PDE3A: variants seen among roughly 807,000 people sequenced by gnomAD.
PDE3A encodes phosphodiesterase 3A, also known as cGMP-inhibited 3',5'-cyclic phosphodiesterase 3A.
In PDE3A, 43 loss-of-function variants were observed where a neutral mutation model predicts 98.3. The observed-to-expected ratio is 0.44, with a 90% confidence interval of 0.34 to 0.56. The LOEUF (loss-of-function observed/expected upper bound fraction) is 0.56. Ranked by LOEUF, PDE3A falls within the 20% of genes least tolerant of loss-of-function variation. The pLI, the probability that PDE3A is intolerant of heterozygous loss-of-function variation, is 0.01. For missense variants in PDE3A, 1,427 were observed against 1,440.7 expected (o/e 0.99, Z 0.15); for synonymous variants, 663 against 567.9 (o/e 1.17, Z -2.38).
In PDE3A at chr12:20,500,519, A is replaced by AAAAT. The variant is rs1362177871; in HGVS notation, c.961-56141_961-56140insAAAT. The stretch of plus-strand genomic sequence containing the variant: ...AGTTCTCTAATCATTTTTTATTTAG[A>AAAAT]CTTCAAATATTTTCTTCCATGTGAT... On this transcript the variant is annotated intron_variant, in intron 1 of 15. Coordinates refer to ENST00000359062, the MANE Select transcript of PDE3A (RefSeq NM_000921.5). Among the ~76,000 whole-genome samples, 128 of 152,208 alleles carry AAAAT rather than the reference A, an allele frequency of 8.4e-4. 1 individual carries two copies. The highest frequency in any genetic ancestry group is 2.9e-3 in the African/African-American group (122 of 41,560).
At position 20,621,311 on chromosome 12, in the gene PDE3A, T is replaced by A. The variant is rs1264260199; in HGVS notation, c.1440T>A (p.Asn480Lys). ...EAPSSSPDSW[N>K]NPVMMTLTKS... ...GTGCTTTTAGTCCTGATTCTTGGAA[T>A]AATCCAGTGATGATGACCCTCACCA... The change falls in exon 5 of 16, where the codon AAT becomes AAA. Residue 480 changes from asparagine (N) to lysine (K), a missense_variant. Transcript: ENST00000359062. 1.3e-6 allele frequency: 2 copies of A among 1,582,576 alleles called. No homozygotes were observed. The highest frequency in any genetic ancestry group is 8.7e-7 in the Non-Finnish European group (1 of 1,151,694).
intron 1 of PDE3A, among the ~76,000 whole-genome samples, chr12:20,462,653 A>T (rs967525944): frequency 6.6e-6 from 1 of 152,176 alleles, no homozygotes; most frequent in African/African-American, 2.4e-5. Context: ...TTGGATTTTA[A>T]AAAATGTTAT....
At chr12:20,516,322 T>G (rs973160457) in intron 1 of PDE3A, among the ~76,000 whole-genome samples, 4 of 152,210 alleles carry the variant, frequency 2.6e-5, no homozygotes, top group Non-Finnish European at 5.9e-5. Context: ...TGAATTTCAT[T>G]TATTTCTTGT....
chr12:20,528,135 C>G (rs1381193864), intron 1 of PDE3A, among the ~76,000 whole-genome samples: 2 of 152,028 alleles, frequency 1.3e-5, no homozygotes, highest in Non-Finnish European at 2.9e-5. Flanking sequence ...GGTGGTTGTC[C>G]TTTTTATCGT....
chr12:20,394,442 T>A (rs968798842), intron 1 of PDE3A, among the ~76,000 whole-genome samples: 23 of 152,016 alleles, frequency 1.5e-4, no homozygotes, highest in African/African-American at 5.3e-4. Flanking sequence ...ATAAGAAACC[T>A]CTTTGTGGCA....
chr12:20,498,690 A>T (rs1283243108), intron 1 of PDE3A, among the ~76,000 whole-genome samples: 1 of 152,010 alleles, frequency 6.6e-6, no homozygotes, highest in African/African-American at 2.4e-5. Flanking sequence ...ATTTCAACAT[A>T]AGTTTTTTTA....
At chr12:20,523,281 G>T (rs1432727562) in intron 1 of PDE3A, among the ~76,000 whole-genome samples, 1 of 152,238 alleles carries the variant, frequency 6.6e-6, no homozygotes, top group African/African-American at 2.4e-5. Context: ...TTGCCATACA[G>T]GTAAGTGTTC....
chr12:20,606,942 T>C (rs899238340), intron 2 of PDE3A, among the ~76,000 whole-genome samples: 9 of 151,614 alleles, frequency 5.9e-5, no homozygotes, highest in African/African-American at 2.2e-4. Flanking sequence ...TTATACTTGT[T>C]GTATTTTAAA....
At chr12:20,390,404 G>A (rs1208415163) in intron 1 of PDE3A, among the ~76,000 whole-genome samples, 1 of 149,054 alleles carries the variant, frequency 6.7e-6, no homozygotes, top group Non-Finnish European at 1.5e-5. Context: ...GTCCTGGGTA[G>A]AGACATTGAA....
At chr12:20,376,501 T>C (rs898529795) in intron 1 of PDE3A, among the ~76,000 whole-genome samples, 6 of 151,972 alleles carry the variant, frequency 3.9e-5, no homozygotes, top group African/African-American at 9.7e-5. Context: ...TAATACCAGG[T>C]AGCCTCTGGA....
rs374624348 is a variant in PDE3A at position 20,369,849 on chromosome 12, C to G, written c.565C>G (p.Pro189Ala). The G allele has an allele frequency of 6.2e-7, 1 of 1,612,110 alleles. No individual in the cohort carries two copies. Among genetic ancestry groups the G allele is most frequent in the Non-Finnish European group, 8.5e-7 (1 of 1,179,402 alleles). Reference protein sequence around the residue: ...GVGEDHLLSLPAAGVVLSCLA... With the variant: ...GVGEDHLLSLAAAGVVLSCLA... ...CGGGGAGGATCACTTACTCTCACTC[C>G]CCGCCGCGGGGGTGGTGCTCAGCTG... Residue 189 changes from proline (P) to alanine (A), a missense_variant, in exon 1 of 16, where the codon CCC (proline) becomes GCC (alanine). Physicochemically the swap from Pro to Ala is conservative, Grantham distance 27. Around this residue, in one of 3 missense-constraint regions of PDE3A, gnomAD observed 1,012 missense variants for 886.5 expected, o/e 1.14. Transcript: ENST00000359062.
intron 2 of PDE3A, among the ~76,000 whole-genome samples, chr12:20,579,299 T>C (rs900780790): frequency 9.9e-5 from 15 of 152,200 alleles, no homozygotes; most frequent in Admixed American, 5.9e-4. Flanking sequence ...TGAGGCTGAG[T>C]TGAAATATGC....
chr12:20,538,319 T>G (rs911172418), intron 1 of PDE3A, among the ~76,000 whole-genome samples: 2 of 152,112 alleles, frequency 1.3e-5, no homozygotes, highest in African/African-American at 2.4e-5. Flanking sequence ...TGATCATTGC[T>G]TCATCTCTAG....
intron 15 of PDE3A, among the ~76,000 whole-genome samples, chr12:20,667,698 G>C (rs1215001337): frequency 6.6e-6 from 1 of 152,162 alleles, no homozygotes; most frequent in Non-Finnish European, 1.5e-5. Context: ...AAGTCAGGTA[G>C]TGTGGTGCCT....
chr12:20,551,994 C>T (rs187584580), intron 1 of PDE3A: 14 of 1,612,476 alleles, frequency 8.7e-6, no homozygotes, highest in African/African-American at 1.3e-5. Context: ...GGAGCAACGA[C>T]GGAGCGTACT....
chr12:20,674,793 CT>C (rs996777458), intron 15 of PDE3A, among the ~76,000 whole-genome samples: 2 of 151,832 alleles, frequency 1.3e-5, no homozygotes, highest in East Asian at 1.9e-4. Flanking sequence ...GTTATAATGT[CT>C]CCTTTTTCAT....
At chr12:20,493,850 G>A (rs952540391) in intron 1 of PDE3A, among the ~76,000 whole-genome samples, 4 of 152,078 alleles carry the variant, frequency 2.6e-5, no homozygotes, top group East Asian at 1.9e-4. Flanking sequence ...GGCTGGTCTC[G>A]AACTCCTGAC....
At chr12:20,408,178 G>A (rs1044909473) in intron 1 of PDE3A, among the ~76,000 whole-genome samples, 2 of 152,044 alleles carry the variant, frequency 1.3e-5, no homozygotes, top group African/African-American at 2.4e-5. Flanking sequence ...TTCAGCCCCC[G>A]AAAGTGTTGG....
At chr12:20,608,155 A>C (rs541062460) in intron 2 of PDE3A, among the ~76,000 whole-genome samples, 1 of 152,302 alleles carries the variant, frequency 6.6e-6, no homozygotes, top group East Asian at 1.9e-4. Context: ...CAGCCAGTCC[A>C]TCTTTCTGTT....
Sources: gnomAD v4.1 joint callset for allele counts (sites outside exome capture counted in the v4.1 genomes callset) on GRCh38, gnomAD v4.1.1 for gene constraint, gnomAD v4.1.1 regional missense constraint, MANE v1.5 for transcripts, NCBI Gene and HGNC (gene_info 2026-07-23, HGNC 2026-07-21) for gene names.